UNC13C: variants seen among roughly 807,000 people sequenced by gnomAD.
UNC13C encodes the protein unc-13 homolog C.
In UNC13C, 174 loss-of-function variants were observed where a neutral mutation model predicts 245.4. The ratio of observed to expected loss-of-function variants is 0.71; its 90% confidence interval spans 0.63 to 0.80. The LOEUF is 0.80. Ranked by LOEUF, UNC13C falls within the 30% of genes least tolerant of loss-of-function variation. The probability of loss-of-function intolerance (pLI) is 0.00; values close to 1 mark genes in which losing one functional copy is unlikely to be tolerated. For missense variants in UNC13C, 2,829 were observed against 2,602.9 expected (o/e 1.09, Z -1.89); for synonymous variants, 992 against 895.1 (o/e 1.11, Z -1.93).
At chr15:53,936,720 A>G in the UNC13C span, among the ~76,000 whole-genome samples, 4 of 152,134 alleles carry the variant, frequency 2.6e-5, no homozygotes, top group African/African-American at 9.7e-5. Flanking sequence ...ATAGCTCCAG[A>G]TGTGGGAGGG....
chr15:54,097,959 G>A (rs148845010), intron 2 of UNC13C, among the ~76,000 whole-genome samples: 34 of 152,218 alleles, frequency 2.2e-4, no homozygotes, highest in African/African-American at 7.2e-4. Context: ...CGAAATGACT[G>A]TGAACGTTTC....
intron 8 of UNC13C, among the ~76,000 whole-genome samples, chr15:54,250,749 C>CTTTTTTTTTTTTTTTT (rs1296024773): frequency 3.2e-4 from 28 of 88,876 alleles, no homozygotes; most frequent in East Asian, 6.7e-4. Context: ...TTCTTTCTTT[C>CTTTTTTTTTTTTTTTT]TTTTTTTTTT....
chr15:54,041,582 T>C (rs1332337714), intron 2 of UNC13C, among the ~76,000 whole-genome samples: 1 of 152,144 alleles, frequency 6.6e-6, no homozygotes, highest in Non-Finnish European at 1.5e-5. Context: ...CATAGCATAG[T>C]AGTTAAGAGC....
At chr15:53,953,873 A>C in the UNC13C span, among the ~76,000 whole-genome samples, 6 of 152,254 alleles carry the variant, frequency 3.9e-5, no homozygotes, top group East Asian at 1.2e-3. Flanking sequence ...GCAGTGTCAG[A>C]GCACAGTCCA....
intron 32 of UNC13C, among the ~76,000 whole-genome samples, chr15:54,625,591 G>A (rs1338626307): frequency 6.6e-6 from 1 of 152,246 alleles, no homozygotes; most frequent in Non-Finnish European, 1.5e-5. Context: ...AGGTTAAGAG[G>A]CCTAGGACAA....
chr15:54,331,995 G>T, intron 14 of UNC13C, 48 bp from the exon 15 acceptor site: 1 of 1,273,150 alleles, frequency 7.9e-7, no homozygotes, highest in South Asian at 1.4e-5. Context: ...GAGGTCTTTA[G>T]AGTGGTCATT....
chr15:54,253,710 G>C (rs1271269895), intron 8 of UNC13C, among the ~76,000 whole-genome samples: 1 of 152,184 alleles, frequency 6.6e-6, no homozygotes, highest in Non-Finnish European at 1.5e-5. Context: ...TAGCACCTCA[G>C]TGGTGGTTTT....
At chr15:54,274,326 AAAAC>A (rs1471112073) in intron 10 of UNC13C, among the ~76,000 whole-genome samples, 1 of 152,238 alleles carries the variant, frequency 6.6e-6, no homozygotes, top group African/African-American at 2.4e-5. Flanking sequence ...AGAAATATCT[AAAAC>A]AAAACCCAAA....
At chr15:54,349,197 C>T (rs1368341121) in intron 17 of UNC13C, among the ~76,000 whole-genome samples, 2 of 149,468 alleles carry the variant, frequency 1.3e-5, no homozygotes, top group Non-Finnish European at 3.0e-5. Flanking sequence ...TTTTTAAATG[C>T]CAGCTTCATG....
chr15:54,181,780 A>G (rs567207870), intron 4 of UNC13C, among the ~76,000 whole-genome samples: 2 of 151,620 alleles, frequency 1.3e-5, no homozygotes, highest in South Asian at 2.1e-4. Flanking sequence ...GTTTAAAAAA[A>G]TTTTTTTATG....
chr15:54,270,236 G>T (rs1481229341), intron 10 of UNC13C, among the ~76,000 whole-genome samples: 4 of 152,136 alleles, frequency 2.6e-5, no homozygotes, highest in Non-Finnish European at 5.9e-5. Context: ...AGTTCACAGT[G>T]AATTTATGTT....
chr15:54,018,731 A>G (rs1245091235), intron 2 of UNC13C, among the ~76,000 whole-genome samples: 3 of 152,178 alleles, frequency 2.0e-5, no homozygotes, highest in Non-Finnish European at 4.4e-5. Context: ...ATTCCCATGT[A>G]CTTGCCTCTT....
At chr15:54,466,777 G>A (rs1190744343) in intron 19 of UNC13C, among the ~76,000 whole-genome samples, 2 of 151,456 alleles carry the variant, frequency 1.3e-5, no homozygotes, top group Non-Finnish European at 3.0e-5. Flanking sequence ...CCAACAATCA[G>A]GTATTATTTT....
At chr15:54,010,792 T>C (rs1895348618) in intron 1 of UNC13C, among the ~76,000 whole-genome samples, 1 of 152,176 alleles carries the variant, frequency 6.6e-6, no homozygotes, top group Non-Finnish European at 1.5e-5. Flanking sequence ...GGCATTACTA[T>C]GTCACCTCAG....
chr15:54,383,862 C>T (rs2039779941), intron 17 of UNC13C, among the ~76,000 whole-genome samples: 1 of 151,886 alleles, frequency 6.6e-6, no homozygotes, highest in South Asian at 2.1e-4. Flanking sequence ...CATTTCTATC[C>T]ACCAATAATG....
the UNC13C span, among the ~76,000 whole-genome samples, chr15:53,946,079 T>C: frequency 5.3e-5 from 8 of 152,142 alleles, no homozygotes; most frequent in Non-Finnish European, 8.8e-5. Context: ...TTTTGTCCAT[T>C]GATTTTTTTA....
chr15:53,906,036 A>G, the UNC13C span, among the ~76,000 whole-genome samples: 3 of 152,262 alleles, frequency 2.0e-5, no homozygotes, highest in South Asian at 4.2e-4. Flanking sequence ...GGAGTCCATT[A>G]AAAGTCTCTG....
chr15:54,451,790 G>C (rs1291479423), intron 19 of UNC13C, among the ~76,000 whole-genome samples: 6 of 152,076 alleles, frequency 3.9e-5, no homozygotes, highest in African/African-American at 1.4e-4. Context: ...TGTAGCTGCA[G>C]AATTATTGTG....
intron 1 of UNC13C, among the ~76,000 whole-genome samples, chr15:53,990,326 A>C (rs1320351630): frequency 1.3e-5 from 2 of 152,002 alleles, no homozygotes; most frequent in African/African-American, 4.8e-5. Flanking sequence ...AAAAATGAAT[A>C]CAGAATTATA....
Sources: gnomAD v4.1 joint callset for allele counts (sites outside exome capture counted in the v4.1 genomes callset) on GRCh38, gnomAD v4.1.1 for gene constraint, MANE v1.5 for transcripts, NCBI Gene and HGNC (gene_info 2026-07-23, HGNC 2026-07-21) for gene names.